PLCL2: variants seen among roughly 807,000 people sequenced by gnomAD.
PLCL2 encodes the protein inactive phospholipase C-like protein 2.
In PLCL2, 4 loss-of-function variants were observed where a neutral mutation model predicts 79.6. The observed-to-expected ratio is 0.05, with a 90% CI of 0.02 to 0.11. The LOEUF (loss-of-function observed/expected upper bound fraction) is 0.11. Ranked by LOEUF, PLCL2 falls within the 10% of genes least tolerant of loss-of-function variation. The probability of loss-of-function intolerance (pLI) is 1.00; values close to 1 mark genes in which losing one functional copy is unlikely to be tolerated. For missense variants in PLCL2, 895 were observed against 1,291.0 expected, an observed-to-expected ratio of 0.69 and a Z score of 4.70; for synonymous variants, 484 against 457.7, an observed-to-expected ratio of 1.06 and a Z score of -0.73.
chr3:17,000,524 A>T (rs1325835277), intron 1 of PLCL2, among the ~76,000 whole-genome samples: 1 of 152,042 alleles, frequency 6.6e-6, no homozygotes, highest in Non-Finnish European at 1.5e-5. Context: ...GTGCTGTCAA[A>T]CTCTAGAACT....
intron 1 of PLCL2, among the ~76,000 whole-genome samples, chr3:16,979,735 C>T (rs1253828259): frequency 2.0e-5 from 3 of 147,168 alleles, no homozygotes; most frequent in East Asian, 4.0e-4. Context: ...CCATGTCTAC[C>T]TCTTTCTACA....
At chr3:16,915,317 C>T (rs1360897772) in intron 1 of PLCL2, among the ~76,000 whole-genome samples, 1 of 152,100 alleles carries the variant, frequency 6.6e-6, no homozygotes, top group African/African-American at 2.4e-5. Flanking sequence ...ATTTACCTTG[C>T]AGTCTTTTTT....
At chr3:17,004,154 C>T (rs1481799991) in intron 1 of PLCL2, among the ~76,000 whole-genome samples, 8 of 151,992 alleles carry the variant, frequency 5.3e-5, no homozygotes, top group African/African-American at 1.7e-4. Flanking sequence ...TCTGTGTGAC[C>T]GTGGCTCTCT....
chr3:17,052,133 C>G (rs568463989), intron 4 of PLCL2, among the ~76,000 whole-genome samples: 1 of 150,650 alleles, frequency 6.6e-6, no homozygotes, highest in Non-Finnish European at 1.5e-5. Context: ...TGAAAGTCAT[C>G]GAGTCCAAAA....
chr3:17,078,801 C>T (rs1479382332), intron 5 of PLCL2, among the ~76,000 whole-genome samples: 3 of 152,106 alleles, frequency 2.0e-5, no homozygotes, highest in Non-Finnish European at 4.4e-5. Flanking sequence ...TGATGTATGA[C>T]TCCTTTTATT....
At chr3:17,013,001 T>G (rs989072580) in intron 2 of PLCL2, among the ~76,000 whole-genome samples, 18 of 152,204 alleles carry the variant, frequency 1.2e-4, no homozygotes, top group African/African-American at 4.3e-4. Context: ...CTGAGAAAAT[T>G]CAACGTTTTT....
Position 17,011,920 on chromosome 3 carries a change from T to C in PLCL2, c.2574T>C (p.His858=), listed in dbSNP as rs2064329385. 5 of 1,614,260 alleles carry C rather than the reference T, an allele frequency of 3.1e-6. No homozygotes were observed. The South Asian group carries it at 5.5e-5, about 18-fold the overall frequency. The part of the protein sequence containing the change: ...PFECLQTGYR[H]VPLQSLTGEV... ...AATGTTTACAGACGGGCTACCGCCA[T>C]GTCCCCCTGCAGTCCTTAACTGGAG... Residue 858 remains histidine, a synonymous_variant, in exon 2 of 6, where the codon CAT becomes CAC. Coordinates refer to ENST00000615277, the MANE Select transcript of PLCL2 (RefSeq NM_001144382.2). This position sits in a 1 kb window ranked among gnomAD's most constrained non-coding sequence, Gnocchi z 7.9.
chr3:17,016,312 A>G (rs946207417), intron 3 of PLCL2, among the ~76,000 whole-genome samples: 1 of 152,226 alleles, frequency 6.6e-6, no homozygotes, highest in African/African-American at 2.4e-5. Flanking sequence ...AAAAAAAGTG[A>G]TATTTGTGCA....
At chr3:16,968,408 A>C (rs1223860894) in intron 1 of PLCL2, among the ~76,000 whole-genome samples, 1 of 151,996 alleles carries the variant, frequency 6.6e-6, no homozygotes, top group African/African-American at 2.4e-5. Context: ...ATGAGCATGG[A>C]ATGTTTTTCC....
chr3:16,921,337 C>T (rs1697120478), intron 1 of PLCL2, among the ~76,000 whole-genome samples: 1 of 152,158 alleles, frequency 6.6e-6, no homozygotes, highest in Non-Finnish European at 1.5e-5. Context: ...CTTTCAATAT[C>T]GTGACCAAGG....
intron 1 of PLCL2, among the ~76,000 whole-genome samples, chr3:16,955,890 C>G (rs1304265328): frequency 6.6e-6 from 1 of 152,210 alleles, no homozygotes; most frequent in Non-Finnish European, 1.5e-5. Flanking sequence ...TGTCCTGAGA[C>G]TTTGCTGAAG....
Position 17,089,953 on chromosome 3 carries a change from G to T in PLCL2, c.*41G>T. ...ACCATTATGGAGTTTATAACTCTAGGACCAATTGTAGTCAGATGGGACATT... is the reference window on the plus strand; with the variant it reads ...ACCATTATGGAGTTTATAACTCTAGTACCAATTGTAGTCAGATGGGACATT... On this transcript the variant is annotated 3_prime_UTR_variant, in exon 6 of 6. Transcript: ENST00000615277. 6.3e-7 allele frequency: 1 copy of T among 1,575,602 alleles called. No individual in the cohort carries two copies. Among genetic ancestry groups the T allele is most frequent in the South Asian group, 1.2e-5 (1 of 84,672 alleles).
chr3:16,997,291 T>C (rs1212382209), intron 1 of PLCL2, among the ~76,000 whole-genome samples: 2 of 152,070 alleles, frequency 1.3e-5, no homozygotes, highest in Non-Finnish European at 2.9e-5. Context: ...CATAAAACAA[T>C]TAGATAACTG....
intron 1 of PLCL2, among the ~76,000 whole-genome samples, chr3:16,988,485 C>T (rs2064072416): frequency 1.3e-5 from 2 of 152,214 alleles, no homozygotes; most frequent in South Asian, 4.1e-4. Context: ...TGGAATCCCT[C>T]TTGAGTTCTA....
At chr3:17,086,252 C>G (rs1037736075) in intron 5 of PLCL2, among the ~76,000 whole-genome samples, 2 of 152,124 alleles carry the variant, frequency 1.3e-5, no homozygotes, top group African/African-American at 4.8e-5. Context: ...ATCAGCAGAA[C>G]AGGATAGAAG....
At chr3:16,973,355 C>CTTTTTTTTT (rs57892589) in intron 1 of PLCL2, among the ~76,000 whole-genome samples, 3 of 137,794 alleles carry the variant, frequency 2.2e-5, no homozygotes, top group Non-Finnish European at 1.6e-5. Context: ...CTGCCTTTAA[C>CTTTTTTTTT]TTTTTTTTTT....
At chr3:16,980,752 G>A (rs2063984091) in intron 1 of PLCL2, among the ~76,000 whole-genome samples, 1 of 152,230 alleles carries the variant, frequency 6.6e-6, no homozygotes, top group Non-Finnish European at 1.5e-5. Flanking sequence ...GGCAGAGGCT[G>A]CAATCTCGGC....
intron 3 of PLCL2, among the ~76,000 whole-genome samples, chr3:17,037,486 C>T (rs2064670423): frequency 6.6e-6 from 1 of 152,148 alleles, no homozygotes; most frequent in Non-Finnish European, 1.5e-5. Context: ...TACTGTCTAG[C>T]CTTTTTCTTT....
intron 1 of PLCL2, among the ~76,000 whole-genome samples, chr3:16,921,840 C>A (rs1429420009): frequency 6.6e-6 from 1 of 151,990 alleles, no homozygotes; most frequent in African/African-American, 2.4e-5. Context: ...TTGAACTGTT[C>A]TTTAAGTAAG....
Sources: gnomAD v4.1 joint callset for allele counts (sites outside exome capture counted in the v4.1 genomes callset) on GRCh38, gnomAD v4.1.1 for gene constraint, Gnocchi (gnomAD v3.1) non-coding constraint, MANE v1.5 for transcripts, NCBI Gene and HGNC (gene_info 2026-07-23, HGNC 2026-07-21) for gene names.